Variants in ZNF532 observed in about 807,000 individuals in gnomAD.
ZNF532 encodes the protein zinc finger protein 532.
In ZNF532, 22 loss-of-function variants were observed where a neutral mutation model predicts 89.3. The observed-to-expected ratio is 0.25, with a 90% CI of 0.18 to 0.35. The LOEUF is 0.35. ZNF532 is among the 10% of genes least tolerant of loss of function. The probability of loss-of-function intolerance (pLI) is 1.00; values close to 1 mark genes in which losing one functional copy is unlikely to be tolerated. For missense variants in ZNF532, 1,132 were observed against 1,643.4 expected (o/e 0.69, Z 5.38); for synonymous variants, 606 against 649.6 (o/e 0.93, Z 1.02).
intron 7 of ZNF532, among the ~76,000 whole-genome samples, chr18:58,973,742 G>A (rs754936894): frequency 2.0e-5 from 3 of 152,134 alleles, no homozygotes; most frequent in Non-Finnish European, 2.9e-5. Flanking sequence ...TCCCTAAATG[G>A]CTTTCACTTG....
intron 2 of ZNF532, among the ~76,000 whole-genome samples, chr18:58,912,412 G>T (rs1054572184): frequency 6.6e-6 from 1 of 152,192 alleles, no homozygotes; most frequent in Non-Finnish European, 1.5e-5. Flanking sequence ...TTGACTGTGC[G>T]TATAAACTGT....
chr18:58,970,695 G>A (rs1409579489), intron 7 of ZNF532, among the ~76,000 whole-genome samples: 2 of 152,240 alleles, frequency 1.3e-5, no homozygotes, highest in Non-Finnish European at 2.9e-5. Context: ...TGTACCCAGT[G>A]GATGGCACGA....
chr18:58,976,270 A>G (rs2067037723), intron 7 of ZNF532, among the ~76,000 whole-genome samples: 1 of 152,198 alleles, frequency 6.6e-6, no homozygotes, highest in Non-Finnish European at 1.5e-5. Context: ...TCTCTCTCAC[A>G]TTGATTGATC....
chr18:58,889,575 G>T (rs56864731), intron 2 of ZNF532, among the ~76,000 whole-genome samples: 1 of 148,226 alleles, frequency 6.7e-6, no homozygotes. Flanking sequence ...TGAGACAGGC[G>T]GATCACTTGA....
At chr18:58,878,448 G>T (rs77343570) in intron 2 of ZNF532, among the ~76,000 whole-genome samples, 14,249 of 152,246 alleles carry the variant, frequency 0.094, 664 homozygotes, top group Middle Eastern at 0.17. Context: ...GTGATCTGTG[G>T]TGCTGATAGG....
At chr18:58,874,142 A>G (rs773974820) in intron 2 of ZNF532, among the ~76,000 whole-genome samples, 9 of 151,532 alleles carry the variant, frequency 5.9e-5, no homozygotes, top group Non-Finnish European at 1.3e-4. Context: ...GCCTTACCTC[A>G]TTGGCAAGTA....
Position 58,952,195 on chromosome 18 carries a change from G to T in ZNF532, c.2869-1323G>T, listed in dbSNP as rs527291570. 6.6e-5 allele frequency among the ~76,000 whole-genome samples: 10 copies of T among 152,320 alleles called. No homozygotes were observed. In the South Asian group the frequency reaches 2.1e-3, roughly 32 times the overall value. On this transcript the variant is annotated intron_variant, in intron 6 of 9. Transcript: ENST00000591808. ...AGGAATGTGGAGCTGAGGTCTATCA[G>T]TGTGAGTCTCTGTGACCCAGGGGAA...
At chr18:58,974,739 G>A (rs1054731824) in intron 7 of ZNF532, among the ~76,000 whole-genome samples, 4 of 152,174 alleles carry the variant, frequency 2.6e-5, no homozygotes, top group African/African-American at 9.7e-5. Context: ...CACAGCTGGT[G>A]TTGCAAGCTT....
chr18:58,901,792 T>C (rs567595764), intron 2 of ZNF532, among the ~76,000 whole-genome samples: 40 of 152,228 alleles, frequency 2.6e-4, no homozygotes, highest in African/African-American at 9.1e-4. Flanking sequence ...CCTGTCCCCA[T>C]CTCCTCTGGA....
At chr18:58,944,143 G>A (rs2063454574) in intron 5 of ZNF532, among the ~76,000 whole-genome samples, 1 of 152,170 alleles carries the variant, frequency 6.6e-6, no homozygotes, top group Admixed American at 6.5e-5. Flanking sequence ...TGACGCGGAG[G>A]GTGGTGCTTT....
intron 2 of ZNF532, among the ~76,000 whole-genome samples, chr18:58,869,297 T>C (rs11663630): frequency 0.088 from 13,388 of 152,252 alleles, 617 homozygotes; most frequent in Middle Eastern, 0.16. Flanking sequence ...GTAGTGAACA[T>C]TGTCTGAAGA....
chr18:58,911,701 A>C (rs1205401515), intron 2 of ZNF532, among the ~76,000 whole-genome samples: 1 of 152,210 alleles, frequency 6.6e-6, no homozygotes, highest in Non-Finnish European at 1.5e-5. Context: ...GAAAGAAAAG[A>C]AGCAGCCCTT....
At position 58,918,253 on chromosome 18, in the gene ZNF532, T is replaced by C. The variant is rs764308804; in HGVS notation, c.-17-18T>C. ...AAATACCAATTACTGATGGAACTAT[T>C]TTCTGCTCATTTAACAGAACATCTG... is the stretch of plus-strand genomic sequence containing the variant. On this transcript the variant is annotated intron_variant, in intron 2 of 9. Coordinates refer to ENST00000591808, the MANE Select transcript of ZNF532 (RefSeq NM_001375912.1). 1.3e-6 allele frequency: 2 copies of C among 1,592,202 alleles called. No individual in the cohort carries two copies. Among genetic ancestry groups the C allele is most frequent in the Non-Finnish European group, 1.7e-6 (2 of 1,168,084 alleles).
chr18:58,942,255 C>T (rs991430203), intron 5 of ZNF532, among the ~76,000 whole-genome samples: 1 of 149,926 alleles, frequency 6.7e-6, no homozygotes, highest in African/African-American at 2.5e-5. Flanking sequence ...AACTCCTGAC[C>T]TCGTGATCCG....
At chr18:58,882,463 G>A (rs2058002432) in intron 2 of ZNF532, among the ~76,000 whole-genome samples, 1 of 151,986 alleles carries the variant, frequency 6.6e-6, no homozygotes, top group South Asian at 2.1e-4. Flanking sequence ...TTTTTAAGAG[G>A]CAGGGTCTTG....
At chr18:58,941,522 G>A (rs1457130188) in intron 5 of ZNF532, among the ~76,000 whole-genome samples, 2 of 134,732 alleles carry the variant, frequency 1.5e-5, no homozygotes, top group African/African-American at 5.6e-5. Context: ...CCAAACTGGA[G>A]TGTGATCACA....
intron 3 of ZNF532, chr18:58,931,709 G>C (rs1187412260): frequency 1.3e-5 from 2 of 152,340 alleles, no homozygotes; most frequent in African/African-American, 4.8e-5. Context: ...GGCCAAGGCA[G>C]GAGGATGGCT....
chr18:58,934,758 G>A, intron 4 of ZNF532, 144 bp downstream of exon 4: 1 of 791,284 alleles, frequency 1.3e-6, no homozygotes, highest in South Asian at 1.8e-5. Context: ...CTCGTTTGTA[G>A]AGTCCATCTG....
At chr18:58,959,260 G>GTTTTTTTT (rs1459830009) in intron 7 of ZNF532, among the ~76,000 whole-genome samples, 21 of 128,694 alleles carry the variant, frequency 1.6e-4, no homozygotes, top group African/African-American at 3.9e-4. Context: ...TTTGTTTTTT[G>GTTTTTTTT]TTTTTTTTTG....
Sources: allele counts gnomAD v4.1 joint callset (sites outside exome capture counted in the v4.1 genomes callset), GRCh38; gene constraint gnomAD v4.1.1; transcripts MANE v1.5; gene names NCBI Gene and HGNC (gene_info 2026-07-23, HGNC 2026-07-21).